MLXIP: variants seen among roughly 807,000 people sequenced by gnomAD.
MLXIP encodes MLX interacting protein.
In MLXIP, 30 loss-of-function variants were observed where a neutral mutation model predicts 87.2. The observed-to-expected ratio is 0.34, with a 90% CI of 0.26 to 0.47. MLXIP has a LOEUF of 0.47. MLXIP is among the 20% of genes least tolerant of loss of function. MLXIP has a pLI of 1.00. For synonymous variants in MLXIP, 530 were observed against 514.0 expected, an observed-to-expected ratio of 1.03 and a Z score of -0.42; for missense variants, 1,002 against 1,240.1, an observed-to-expected ratio of 0.81 and a Z score of 2.88.
intron 1 of MLXIP, among the ~76,000 whole-genome samples, chr12:122,100,935 C>T (rs1952426697): frequency 6.6e-6 from 1 of 152,192 alleles, no homozygotes; most frequent in Non-Finnish European, 1.5e-5. Context: ...AGTTATTAGC[C>T]AGTTACATCA....
At chr12:122,128,976 G>A (rs1952926668) in intron 3 of MLXIP, 161 bp from the exon 4 acceptor site, 2 of 641,382 alleles carry the variant, frequency 3.1e-6, no homozygotes, top group African/African-American at 3.6e-5. Flanking sequence ...CTATAGCATG[G>A]AAGAAGTGGG....
intron 1 of MLXIP, among the ~76,000 whole-genome samples, chr12:122,092,268 T>G (rs1952257116): frequency 6.6e-6 from 1 of 152,104 alleles, no homozygotes; most frequent in Admixed American, 6.5e-5. Context: ...CTGGCTAATT[T>G]TTGTATTTTT....
At chr12:122,114,876 G>A (rs960500279) in intron 1 of MLXIP, among the ~76,000 whole-genome samples, 4 of 151,780 alleles carry the variant, frequency 2.6e-5, no homozygotes, top group African/African-American at 9.7e-5. Flanking sequence ...CTCCTGAGTA[G>A]CTGGGATTAC....
intron 1 of MLXIP, among the ~76,000 whole-genome samples, chr12:122,096,331 A>G (rs1952351813): frequency 6.6e-6 from 1 of 151,854 alleles, no homozygotes; most frequent in Non-Finnish European, 1.5e-5. Context: ...CACCGAGAAT[A>G]TTTCGCTGGT....
intron 9 of MLXIP, chr12:122,134,870 C>T (rs973670186): frequency 9.3e-6 from 3 of 323,772 alleles, no homozygotes; most frequent in Non-Finnish European, 1.8e-5. Flanking sequence ...GATGGGGTTT[C>T]ACCACATTGG....
At chr12:122,121,083 C>T (rs1288842255) in intron 1 of MLXIP, among the ~76,000 whole-genome samples, 1 of 139,116 alleles carries the variant, frequency 7.2e-6, no homozygotes, top group Non-Finnish European at 1.5e-5. Flanking sequence ...CATCTTGGCT[C>T]ACTGCAACCT....
rs1232663965 is a variant in MLXIP, at chr12:122,078,762, C to T, written c.-92C>T. ...GCGCCGCGCGCTCGCGGACAGTCGG[C>T]GCGCGGGCCGGGCCGGGCCGGCGCC... On this transcript the variant is annotated 5_prime_UTR_variant, in exon 1 of 17. Transcript: ENST00000319080. 3 of 1,000,718 alleles carry T rather than the reference C, an allele frequency of 3.0e-6. No individual in the cohort carries two copies. Among genetic ancestry groups the T allele is most frequent in the African/African-American group, 1.8e-5 (1 of 56,792 alleles). 62.0% of individuals were successfully genotyped at this position (1,000,718 alleles called of 1,614,324 possible). A position where few individuals can be genotyped will look rare whatever the true frequency, so the allele number is the denominator to read the frequency against.
chr12:122,095,158 GGT>G (rs1361181058), intron 1 of MLXIP, among the ~76,000 whole-genome samples: 4 of 105,290 alleles, frequency 3.8e-5, no homozygotes, highest in Non-Finnish European at 6.9e-5. Flanking sequence ...GCGGTGTGGT[GGT>G]GTGTGTGGTG....
chr12:122,121,566 G>A (rs921169401), intron 1 of MLXIP, among the ~76,000 whole-genome samples: 27 of 152,124 alleles, frequency 1.8e-4, no homozygotes, highest in Admixed American at 1.4e-3. Flanking sequence ...CACCGTGCCC[G>A]GCCTCTGCCT....
chr12:122,112,503 A>G (rs1463363689), intron 1 of MLXIP, among the ~76,000 whole-genome samples: 3 of 151,948 alleles, frequency 2.0e-5, no homozygotes, highest in Non-Finnish European at 2.9e-5. Context: ...AAATAGCCGG[A>G]CGTGGTGGTG....
intron 15 of MLXIP, 198 bp from the exon 16 acceptor site, chr12:122,140,756 C>A: frequency 1.2e-6 from 1 of 800,562 alleles, no homozygotes; most frequent in Non-Finnish European, 2.1e-6. Context: ...TGTCCAGGTA[C>A]AGTTAGAGCA....
Position 122,133,584 on chromosome 12 carries a change from A to G in MLXIP, c.1329A>G (p.Pro443=), listed in dbSNP as rs36045144. 0.22 allele frequency: 326,075 copies of G among 1,469,326 alleles called. 33,985 individuals are homozygous for G. Among genetic ancestry groups the G allele is most frequent in the East Asian group, 0.33 (12,644 of 38,180 alleles). 91.0% of individuals were successfully genotyped at this position (1,469,326 alleles called of 1,614,324 possible). The change falls in exon 9 of 17, where the codon CCA becomes CCG. Residue 443 remains proline (P), a synonymous_variant. Transcript: ENST00000319080. The surrounding 1 kb of genome is among the most constrained non-coding windows in gnomAD (Gnocchi z 4.9). ...TMPLLSPSPA[P]PPISPVLPLV... is the part of the protein sequence containing the mutation. The stretch of plus-strand genomic sequence containing the variant: ...CCCTGCTGTCTCCCAGCCCCGCCCC[A>G]CCGCCCATCTCCCCCGTGTTACCAT...
intron 1 of MLXIP, among the ~76,000 whole-genome samples, chr12:122,106,254 C>CTT (rs1299424335): frequency 6.6e-6 from 1 of 152,062 alleles, no homozygotes; most frequent in Non-Finnish European, 1.5e-5. Flanking sequence ...TCTCTCCCTT[C>CTT]TTTCCCTGGT....
Position 122,144,165 on chromosome 12 carries a change from C to T in MLXIP, c.*2353C>T, listed in dbSNP as rs1352560046. On this transcript the variant is annotated 3_prime_UTR_variant, in exon 17 of 17. Transcript: ENST00000319080. ...AGGTGCAGGAACATCTGAGGCCACT[C>T]TGCTGGCCACCTCCAGTGGGTGCTG... is the stretch of plus-strand genomic sequence containing the variant. The T allele has an allele frequency of 6.5e-6, 1 of 152,708 alleles. No individual in the cohort carries two copies. Among genetic ancestry groups the T allele is most frequent in the African/African-American group, 2.4e-5 (1 of 41,464 alleles). The allele number at this position is 152,708 out of a possible 1,614,324, so 9.5% of individuals were successfully genotyped here.
chr12:122,130,693 C>T (rs868076921), intron 6 of MLXIP, 151 bp from the exon 7 acceptor site: 6 of 629,402 alleles, frequency 9.5e-6, no homozygotes, highest in Middle Eastern at 2.9e-4. Context: ...GCGGAATGGC[C>T]ACAAACCCTG....
chr12:122,086,070 A>G (rs775481040), intron 1 of MLXIP, among the ~76,000 whole-genome samples: 5 of 152,162 alleles, frequency 3.3e-5, no homozygotes, highest in Non-Finnish European at 7.3e-5. Flanking sequence ...TGCTGTTGGC[A>G]GCTTTGAAGA....
intron 3 of MLXIP, 143 bp from the exon 4 acceptor site, chr12:122,128,994 T>C: frequency 1.5e-6 from 1 of 668,788 alleles, no homozygotes. Context: ...GGGACGTACT[T>C]TCTGAGTGAT....
rs1953243786 is a variant in MLXIP, at chr12:122,143,317, A to T, written c.*1505A>T. The T allele has an allele frequency of 6.6e-6, 1 of 152,254 alleles. No homozygotes were observed. The highest frequency in any genetic ancestry group is 2.4e-5 in the African/African-American group (1 of 41,404). 9.4% of individuals were successfully genotyped at this position (152,254 alleles called of 1,614,324 possible). On this transcript the variant is annotated 3_prime_UTR_variant, in exon 17 of 17. Transcript: ENST00000319080. The stretch of plus-strand genomic sequence containing the variant: ...CCCTGGCTCCTGCAGGCCTGCGGGG[A>T]TCTCTCCCCACTTCAGGCCTCCGGC...
chr12:122,139,026 A>C, intron 15 of MLXIP, 88 bp downstream of exon 15: 4 of 1,553,144 alleles, frequency 2.6e-6, no homozygotes, highest in Non-Finnish European at 3.5e-6. Context: ...CTTTAGAAAG[A>C]CTCTTTAAAT....
Sources: allele counts gnomAD v4.1 joint callset (sites outside exome capture counted in the v4.1 genomes callset), GRCh38; gene constraint gnomAD v4.1.1; non-coding constraint Gnocchi (gnomAD v3.1); transcripts MANE v1.5; gene names NCBI Gene and HGNC (gene_info 2026-07-23, HGNC 2026-07-21).